NCOA2: variants seen among roughly 807,000 people sequenced by gnomAD.
NCOA2 encodes the protein nuclear receptor coactivator 2, also known as class E basic helix-loop-helix protein 75.
A neutral mutation model predicts 145.1 loss-of-function variants in NCOA2; 21 were observed. That is an observed-to-expected ratio of 0.14 (90% CI 0.10 to 0.21). The LOEUF (loss-of-function observed/expected upper bound fraction) is 0.21. NCOA2 is among the 10% of genes least tolerant of loss of function. NCOA2 has a pLI of 1.00. For synonymous variants in NCOA2, 619 were observed against 637.5 expected (o/e 0.97, Z 0.44); for missense variants, 1,472 against 1,837.6 (o/e 0.80, Z 3.64).
chr8:70,342,083 G>A (rs1372084648), intron 1 of NCOA2, among the ~76,000 whole-genome samples: 2 of 152,096 alleles, frequency 1.3e-5, no homozygotes, highest in Non-Finnish European at 2.9e-5. Context: ...TACAGAACTC[G>A]ATAATATACC....
chr8:70,451,570 A>G, the NCOA2 span, among the ~76,000 whole-genome samples: 1 of 147,714 alleles, frequency 6.8e-6, no homozygotes, highest in South Asian at 2.1e-4. Context: ...TTGCTTAAGC[A>G]CTCACAAATA....
At position 70,164,990 on chromosome 8, in the gene NCOA2, C is replaced by T. The variant is rs1407536212; in HGVS notation, c.731-1424G>A. On this transcript the variant is annotated intron_variant, in intron 7 of 22. Coordinates refer to ENST00000452400, the MANE Select transcript of NCOA2 (RefSeq NM_006540.4). Reference sequence around the variant, plus strand: ...CCTTCGGCAAAGCCAGGATTAGAATCTGAGCATGCCATGGCTCAGAAACCC... The same window carrying T: ...CCTTCGGCAAAGCCAGGATTAGAATTTGAGCATGCCATGGCTCAGAAACCC... Among the ~76,000 whole-genome samples, 13 of 152,286 alleles carry T rather than the reference C, an allele frequency of 8.5e-5. 1 individual carries two copies. The East Asian group carries it at 2.3e-3, about 27-fold the overall frequency.
At chr8:70,430,493 T>G in the NCOA2 span, among the ~76,000 whole-genome samples, 10 of 152,318 alleles carry the variant, frequency 6.6e-5, no homozygotes, top group Non-Finnish European at 1.3e-4. Context: ...AACCGCCACC[T>G]TGATGGAGAT....
At chr8:70,426,685 C>T in the NCOA2 span, among the ~76,000 whole-genome samples, 2 of 152,172 alleles carry the variant, frequency 1.3e-5, no homozygotes, top group East Asian at 1.9e-4. Context: ...AAATTTCTTG[C>T]ACCTTGTTCT....
At position 70,357,338 on chromosome 8, in the gene NCOA2, A is replaced by G. The variant is rs533517277; in HGVS notation, c.-77+46362T>C. ...TTTTTTTTTTTTTACACTGAAAACT[A>G]CAAAACACGGCTGGCCAGAGTGCAG... On this transcript the variant is annotated intron_variant, in intron 1 of 22. Transcript: ENST00000452400. The G allele has an allele frequency of 2.0e-5, 3 of 152,244 alleles. No individual in the cohort carries two copies. The South Asian group carries it at 6.2e-4, about 32-fold the overall frequency. The allele number at this position is 152,244 out of a possible 1,614,324, so 9.4% of individuals were successfully genotyped here.
At position 70,378,743 on chromosome 8, in the gene NCOA2, TAAAAAA is replaced by T. The variant is rs10672044; in HGVS notation, c.-77+24951_-77+24956del. ...AAGTCCCTGCACTTGTAGGCTATGC[TAAAAAA>T]AAAAAAAAAAAAAACATAAAATGAA... On this transcript the variant is annotated intron_variant, in intron 1 of 22. Transcript: ENST00000452400. Among the ~76,000 whole-genome samples the T allele has an allele frequency of 1.9e-4, 21 of 109,850 alleles. 1 individual carries two copies. The highest frequency in any genetic ancestry group is 5.9e-4 in the African/African-American group (18 of 30,294). The allele number at this position is 109,850 out of a possible 152,430, so 72.1% of individuals were successfully genotyped here.
chr8:70,296,236 G>T (rs1827083741), intron 2 of NCOA2, among the ~76,000 whole-genome samples: 1 of 152,328 alleles, frequency 6.6e-6, no homozygotes, highest in South Asian at 2.1e-4. Context: ...TCAGCTGTGT[G>T]ATACGGAGTG....
Position 70,235,571 on chromosome 8 carries a change from C to T in NCOA2, c.-19-18807G>A, listed in dbSNP as rs181635456. ...ATCAATACTTCTCTTAGGCCAGGCG[C>T]GGTGGCTCACACTTGTGATCCCAGA... On this transcript the variant is annotated intron_variant, in intron 2 of 22. Transcript: ENST00000452400. Among the ~76,000 whole-genome samples, 132 of 152,214 alleles carry T rather than the reference C, an allele frequency of 8.7e-4. 1 individual carries two copies. Among genetic ancestry groups the T allele is most frequent in the African/African-American group, 3.0e-3 (123 of 41,516 alleles).
At chr8:70,325,354 A>G (rs145278307) in intron 1 of NCOA2, among the ~76,000 whole-genome samples, 1 of 152,356 alleles carries the variant, frequency 6.6e-6, no homozygotes, top group African/African-American at 2.4e-5. Flanking sequence ...TGCTCTTTCA[A>G]TCACAATCTA....
Position 70,138,184 on chromosome 8 carries a change from C to T in NCOA2, c.3158+19G>A. ...GACAGGTATAAAATAACTGGCTACC[C>T]TAGGTGCTCAGGACTCACCTGTTTT... On this transcript the variant is annotated intron_variant, in intron 15 of 22. Transcript: ENST00000452400. The T allele has an allele frequency of 3.7e-6, 6 of 1,600,210 alleles. No homozygotes were observed. Among genetic ancestry groups the T allele is most frequent in the Non-Finnish European group, 5.1e-6 (6 of 1,176,248 alleles).
At chr8:70,316,966 G>T (rs907883141) in intron 1 of NCOA2, among the ~76,000 whole-genome samples, 2 of 152,120 alleles carry the variant, frequency 1.3e-5, no homozygotes, top group African/African-American at 4.8e-5. Flanking sequence ...AAGGTTGTAA[G>T]TTCCTCACGG....
chr8:70,364,979 G>A (rs979503517), intron 1 of NCOA2, among the ~76,000 whole-genome samples: 3 of 151,976 alleles, frequency 2.0e-5, no homozygotes, highest in Non-Finnish European at 4.4e-5. Flanking sequence ...ATGTGGTTAA[G>A]AAATTTGGAA....
At chr8:70,138,430 GA>G in intron 14 of NCOA2, 98 bp from the exon 15 acceptor site, 3 of 1,178,458 alleles carry the variant, frequency 2.5e-6, no homozygotes, top group Admixed American at 3.3e-5. Context: ...ATGAAAAAGG[GA>G]AAACACAGAA....
chr8:70,284,915 C>G (rs1826134817), intron 2 of NCOA2, among the ~76,000 whole-genome samples: 1 of 152,068 alleles, frequency 6.6e-6, no homozygotes, highest in Admixed American at 6.6e-5. Context: ...AGAAAAAGAA[C>G]AGATGTCCCA....
At chr8:70,391,340 TAAAACA>T (rs1813189240) in intron 1 of NCOA2, among the ~76,000 whole-genome samples, 2 of 152,224 alleles carry the variant, frequency 1.3e-5, no homozygotes, top group Non-Finnish European at 2.9e-5. Flanking sequence ...AATCTGAGCC[TAAAACA>T]GAAATCTACT....
chr8:70,127,445 G>A (rs10504467), intron 18 of NCOA2, among the ~76,000 whole-genome samples: 3,384 of 152,260 alleles, frequency 0.022, 115 homozygotes, highest in East Asian at 0.16. Flanking sequence ...TAAAATCACT[G>A]GGACAAAAGG....
the NCOA2 span, among the ~76,000 whole-genome samples, chr8:70,423,961 A>G: frequency 0.29 from 44,646 of 152,048 alleles, 7,708 homozygotes; most frequent in East Asian, 0.55. Flanking sequence ...TGTGATTAAC[A>G]TCTTATTTTT....
chr8:70,144,891 A>G, intron 12 of NCOA2, 43 bp from the exon 13 acceptor site: 1 of 1,513,432 alleles, frequency 6.6e-7, no homozygotes, highest in Non-Finnish European at 9.2e-7. Flanking sequence ...ATATAGGATA[A>G]TGGAAAATAA....
At chr8:70,262,167 C>A (rs1029085829) in intron 2 of NCOA2, among the ~76,000 whole-genome samples, 2 of 152,102 alleles carry the variant, frequency 1.3e-5, no homozygotes, top group Non-Finnish European at 2.9e-5. Context: ...AAGTGCTAAG[C>A]CTAATGGTAA....
Sources: allele counts gnomAD v4.1 joint callset (sites outside exome capture counted in the v4.1 genomes callset), GRCh38; gene constraint gnomAD v4.1.1; transcripts MANE v1.5; gene names NCBI Gene and HGNC (gene_info 2026-07-23, HGNC 2026-07-21).